KLHL1: variants seen among roughly 807,000 people sequenced by gnomAD.
KLHL1 encodes kelch like family member 1.
In KLHL1, 47 loss-of-function variants were observed where a neutral mutation model predicts 77.7. The observed-to-expected ratio is 0.60, with a 90% CI of 0.48 to 0.77. KLHL1 has a LOEUF of 0.77. Ranked by LOEUF, KLHL1 falls within the 30% of genes least tolerant of loss-of-function variation. KLHL1 has a pLI of 0.00. For synonymous variants in KLHL1, 360 were observed against 325.2 expected (o/e 1.11, Z -1.15); for missense variants, 925 against 910.8 (o/e 1.02, Z -0.20).
intron 1 of KLHL1, among the ~76,000 whole-genome samples, chr13:70,096,657 A>T (rs866554462): frequency 0.029 from 3,759 of 128,512 alleles, 113 homozygotes; most frequent in African/African-American, 0.083. Flanking sequence ...TTTTTTTTTT[A>T]AAGAAATCTT....
intron 6 of KLHL1, among the ~76,000 whole-genome samples, chr13:69,813,856 C>T (rs1335333082): frequency 6.6e-6 from 1 of 152,124 alleles, no homozygotes; most frequent in African/African-American, 2.4e-5. Flanking sequence ...CTATTCCTAT[C>T]AAATTTCCAA....
At chr13:69,861,442 C>A (rs1025229182) in intron 5 of KLHL1, among the ~76,000 whole-genome samples, 3 of 151,968 alleles carry the variant, frequency 2.0e-5, no homozygotes, top group African/African-American at 7.2e-5. Context: ...CATCTATATG[C>A]AATGTTTTAC....
intron 5 of KLHL1, among the ~76,000 whole-genome samples, chr13:69,857,823 G>A (rs999340438): frequency 6.6e-6 from 1 of 151,346 alleles, no homozygotes; most frequent in African/African-American, 2.4e-5. Flanking sequence ...TTTTTCACAC[G>A]TACCCTAGAA....
intron 10 of KLHL1, among the ~76,000 whole-genome samples, chr13:69,706,117 G>C (rs1027635761): frequency 6.6e-6 from 1 of 151,426 alleles, no homozygotes; most frequent in Non-Finnish European, 1.5e-5. Flanking sequence ...CGAAATTTTA[G>C]TGCAATAATG....
chr13:70,074,860 G>T (rs1463476506), intron 1 of KLHL1, among the ~76,000 whole-genome samples: 1 of 152,016 alleles, frequency 6.6e-6, no homozygotes, highest in African/African-American at 2.4e-5. Context: ...GCATGATTGT[G>T]TAGATAAAAA....
rs1877679524 is a variant in KLHL1 at position 69,807,825 on chromosome 13, G to A, written c.1415-10863C>T. ...AGTGTTGCTGAAGCTGAGGTTTCTT[G>A]CAGATGGCAAGACTGCAGCCAGGGT... On this transcript the variant is annotated intron_variant, in intron 6 of 10. Coordinates refer to ENST00000377844, the MANE Select transcript of KLHL1 (RefSeq NM_020866.3). Among the ~76,000 whole-genome samples the A allele has an allele frequency of 2.0e-5, 3 of 152,138 alleles. 1 individual carries two copies. The South Asian group carries it at 6.2e-4, about 31-fold the overall frequency.
intron 6 of KLHL1, among the ~76,000 whole-genome samples, chr13:69,830,583 C>T (rs1441671329): frequency 1.3e-5 from 2 of 149,854 alleles, no homozygotes; most frequent in East Asian, 3.9e-4. Flanking sequence ...TAAACTATAC[C>T]CTGGAACAAA....
At chr13:69,773,144 C>T (rs1398837587) in intron 7 of KLHL1, among the ~76,000 whole-genome samples, 2 of 141,904 alleles carry the variant, frequency 1.4e-5, no homozygotes, top group Non-Finnish European at 3.2e-5. Context: ...TTTGTACATG[C>T]ATAATAGATA....
At chr13:69,991,968 C>A (rs954324771) in intron 1 of KLHL1, among the ~76,000 whole-genome samples, 1 of 151,874 alleles carries the variant, frequency 6.6e-6, no homozygotes, top group Admixed American at 6.6e-5. Context: ...GAAGTGTTGT[C>A]CCTGAACATC....
chr13:69,943,327 G>T (rs1281840978), intron 3 of KLHL1, among the ~76,000 whole-genome samples: 1 of 151,918 alleles, frequency 6.6e-6, no homozygotes, highest in Non-Finnish European at 1.5e-5. Flanking sequence ...AGATAAAAAA[G>T]ACTATTATAT....
intron 1 of KLHL1, among the ~76,000 whole-genome samples, chr13:70,019,200 T>C (rs1263911685): frequency 6.6e-6 from 1 of 152,132 alleles, no homozygotes; most frequent in Non-Finnish European, 1.5e-5. Context: ...CTCTGTGTTA[T>C]GAGGCAGCAG....
chr13:69,936,526 T>C (rs1421061846), intron 4 of KLHL1, among the ~76,000 whole-genome samples: 1 of 149,658 alleles, frequency 6.7e-6, no homozygotes, highest in East Asian at 2.0e-4. Context: ...GAGGCGGAGG[T>C]TGCAGTGAGT....
intron 6 of KLHL1, among the ~76,000 whole-genome samples, chr13:69,802,719 CT>C (rs1194085428): frequency 3.3e-5 from 5 of 151,958 alleles, no homozygotes; most frequent in Non-Finnish European, 7.4e-5. Context: ...TCACGACCCT[CT>C]CACGTGCACC....
At chr13:70,100,525 G>T (rs1466582711) in intron 1 of KLHL1, among the ~76,000 whole-genome samples, 1 of 151,956 alleles carries the variant, frequency 6.6e-6, no homozygotes, top group Non-Finnish European at 1.5e-5. Flanking sequence ...AGTAGAGACG[G>T]GGTTTCACTA....
intron 5 of KLHL1, among the ~76,000 whole-genome samples, chr13:69,879,104 G>C (rs1188404429): frequency 6.6e-6 from 1 of 152,104 alleles, no homozygotes; most frequent in East Asian, 1.9e-4. Flanking sequence ...CCTGTCGTAG[G>C]AGATACGAGT....
At chr13:69,729,880 C>A (rs926991127) in intron 8 of KLHL1, among the ~76,000 whole-genome samples, 1 of 152,142 alleles carries the variant, frequency 6.6e-6, no homozygotes, top group East Asian at 1.9e-4. Flanking sequence ...TTAAAAACTT[C>A]AAAGAGTATT....
chr13:69,752,808 T>A lies in KLHL1; in HGVS notation c.1640-12252A>T, dbSNP rs190589065. ...AAAAAACTCAGGCTATATATGGCCA[T>A]AAGCGAATAGGTATTTTATAACTGG... On this transcript the variant is annotated intron_variant, in intron 7 of 10. Transcript: ENST00000377844. Among the ~76,000 whole-genome samples the A allele has an allele frequency of 1.8e-4, 27 of 152,304 alleles. No homozygotes were observed. The East Asian group carries it at 4.1e-3, about 23-fold the overall frequency.
chr13:70,056,663 CAA>C (rs768168828), intron 1 of KLHL1, among the ~76,000 whole-genome samples: 2 of 151,958 alleles, frequency 1.3e-5, no homozygotes, highest in Non-Finnish European at 2.9e-5. Context: ...AAATAAGTAA[CAA>C]GAGGTACTTC....
At chr13:69,952,080 T>A (rs1156875902) in intron 3 of KLHL1, among the ~76,000 whole-genome samples, 1 of 151,476 alleles carries the variant, frequency 6.6e-6, no homozygotes, top group East Asian at 1.9e-4. Context: ...GCAAGGGGGT[T>A]TGATTACAAG....
Sources: gnomAD v4.1 joint callset for allele counts (sites outside exome capture counted in the v4.1 genomes callset) on GRCh38, gnomAD v4.1.1 for gene constraint, MANE v1.5 for transcripts, NCBI Gene and HGNC (gene_info 2026-07-23, HGNC 2026-07-21) for gene names.